Variants in STAC observed in about 807,000 individuals in gnomAD.
STAC encodes SH3 and cysteine rich domain.
A neutral mutation model predicts 48.8 loss-of-function variants in STAC; 43 were observed. That is an observed-to-expected ratio of 0.88 (90% CI 0.69 to 1.14). The LOEUF (loss-of-function observed/expected upper bound fraction) is 1.14, where lower values mean the gene tolerates loss of function less well. Ranked by LOEUF, STAC falls within the 50% of genes most tolerant of loss-of-function variation. STAC has a pLI of 0.00. For missense variants in STAC, 497 were observed against 504.0 expected, an observed-to-expected ratio of 0.99 and a Z score of 0.13; for synonymous variants, 193 against 179.5, an observed-to-expected ratio of 1.07 and a Z score of -0.60.
intron 1 of STAC, among the ~76,000 whole-genome samples, chr3:36,418,247 G>A (rs1700363882): frequency 6.6e-6 from 1 of 151,990 alleles, no homozygotes; most frequent in Admixed American, 6.6e-5. Context: ...TTGTAACAAT[G>A]AACTCTTTAA....
intron 10 of STAC, among the ~76,000 whole-genome samples, chr3:36,540,853 G>A (rs1699307667): frequency 6.6e-6 from 1 of 152,152 alleles, no homozygotes; most frequent in Non-Finnish European, 1.5e-5. Flanking sequence ...ATAATAAATG[G>A]TGTTGTTTAA....
chr3:36,469,476 A>G (rs2125690212), intron 2 of STAC, among the ~76,000 whole-genome samples: 1 of 152,196 alleles, frequency 6.6e-6, no homozygotes, highest in African/African-American at 2.4e-5. Flanking sequence ...ATAGGTTTTC[A>G]TTTATAGGTT....
intron 2 of STAC, 110 bp from the exon 3 acceptor site, chr3:36,482,882 A>G (rs573200991): frequency 1.4e-6 from 1 of 694,970 alleles, no homozygotes; most frequent in Admixed American, 2.9e-5. Flanking sequence ...AGCTTCATGA[A>G]AAAGTTGTAG....
In STAC at chr3:36,394,906, A is replaced by G. The variant is rs1203932337; in HGVS notation, c.111+14152A>G. 5.9e-5 allele frequency among the ~76,000 whole-genome samples: 9 copies of G among 151,870 alleles called. No individual in the cohort carries two copies. The East Asian group carries it at 1.7e-3, about 29-fold the overall frequency. On this transcript the variant is annotated intron_variant, in intron 1 of 10. Coordinates refer to ENST00000273183, the MANE Select transcript of STAC (RefSeq NM_003149.3). ...AAAAAAAAAAAAGGAATATATTTGC[A>G]TTATATTTTAGAAATAAAATCAACA...
intron 8 of STAC, among the ~76,000 whole-genome samples, chr3:36,506,617 G>A (rs547690464): frequency 1.8e-4 from 27 of 152,220 alleles, no homozygotes; most frequent in Admixed American, 5.9e-4. Context: ...GCATTGGTTT[G>A]TAGTTCTCCT....
At chr3:36,459,634 A>G (rs1696949684) in intron 2 of STAC, among the ~76,000 whole-genome samples, 1 of 152,222 alleles carries the variant, frequency 6.6e-6, no homozygotes, top group East Asian at 1.9e-4. Flanking sequence ...AAATGGTTTC[A>G]TGATTTGGTT....
At chr3:36,430,996 A>C (rs1207670357) in intron 1 of STAC, among the ~76,000 whole-genome samples, 2 of 152,184 alleles carry the variant, frequency 1.3e-5, no homozygotes, top group Non-Finnish European at 2.9e-5. Flanking sequence ...GAGGGATACA[A>C]TTCACCCGGT....
intron 2 of STAC, among the ~76,000 whole-genome samples, chr3:36,459,062 A>AT (rs1256389641): frequency 6.6e-6 from 1 of 152,238 alleles, no homozygotes; most frequent in East Asian, 1.9e-4. Flanking sequence ...CAAGTAACTT[A>AT]TAAGAGTTAT....
At chr3:36,449,373 A>G (rs1696618717) in intron 2 of STAC, among the ~76,000 whole-genome samples, 1 of 152,184 alleles carries the variant, frequency 6.6e-6, no homozygotes, top group African/African-American at 2.4e-5. Flanking sequence ...GCTATTGAAC[A>G]CAATTTGGCG....
intron 1 of STAC, among the ~76,000 whole-genome samples, chr3:36,419,708 A>AGG (rs202127772): frequency 0.023 from 3,532 of 152,318 alleles, 59 homozygotes; most frequent in East Asian, 0.026. Flanking sequence ...AGGTCAGGGA[A>AGG]GAAGAACTGT....
At chr3:36,479,749 T>A (rs188746462) in intron 2 of STAC, among the ~76,000 whole-genome samples, 1 of 152,372 alleles carries the variant, frequency 6.6e-6, no homozygotes, top group Admixed American at 6.5e-5. Context: ...TTTAAAACTA[T>A]GTTTTTTCCT....
At chr3:36,494,210 T>C (rs992868613) in intron 6 of STAC, among the ~76,000 whole-genome samples, 1 of 149,268 alleles carries the variant, frequency 6.7e-6, no homozygotes, top group Non-Finnish European at 1.5e-5. Flanking sequence ...CTTAAAGACA[T>C]GTGACCAGAT....
Position 36,528,766 on chromosome 3 carries a change from TTA to T in STAC, c.972+20_972+21del. The T allele has an allele frequency of 6.3e-7, 1 of 1,599,378 alleles. No homozygotes were observed. The highest frequency in any genetic ancestry group is 1.1e-5 in the South Asian group (1 of 88,090). Reference sequence around the variant, plus strand: ...GTGGAAAGTAAGTGTTCCTCTTTCTTTAAAAAAAAAAGAGAAAATCATTTGGT... The same window carrying T: ...GTGGAAAGTAAGTGTTCCTCTTTCTTAAAAAAAAAGAGAAAATCATTTGGT... On this transcript the variant is annotated intron_variant, in intron 9 of 10. Transcript: ENST00000273183.
chr3:36,488,177 CCTGT>C (rs371150870), intron 5 of STAC, among the ~76,000 whole-genome samples: 75 of 152,284 alleles, frequency 4.9e-4, no homozygotes, highest in African/African-American at 1.6e-3. Context: ...AAATGATCCT[CCTGT>C]CTGAGTGTAC....
intron 1 of STAC, among the ~76,000 whole-genome samples, chr3:36,397,152 T>C (rs1699872231): frequency 6.6e-6 from 1 of 152,206 alleles, no homozygotes; most frequent in South Asian, 2.1e-4. Context: ...GTTCAGACTT[T>C]TTGTTTATAT....
intron 8 of STAC, among the ~76,000 whole-genome samples, chr3:36,519,452 C>T (rs192044683): frequency 1.4e-4 from 22 of 152,298 alleles, no homozygotes; most frequent in Middle Eastern, 6.8e-3. Flanking sequence ...GACTCCCAGT[C>T]CACTGATCTT....
chr3:36,464,781 G>C (rs1230541010), intron 2 of STAC, among the ~76,000 whole-genome samples: 1 of 151,228 alleles, frequency 6.6e-6, no homozygotes, highest in Non-Finnish European at 1.5e-5. Flanking sequence ...ACATTATTTT[G>C]TTCCTTTTTA....
chr3:36,537,456 C>T (rs1008108299), intron 10 of STAC, among the ~76,000 whole-genome samples: 4 of 152,126 alleles, frequency 2.6e-5, no homozygotes, highest in African/African-American at 9.7e-5. Context: ...GAAAACCAAA[C>T]ACTGCATGTT....
chr3:36,398,368 A>AAAGAAAGAAAGAAAGAAAAG lies in STAC; in HGVS notation c.111+17616_111+17617insGAAAGAAAGAAAGAAAAGAA, dbSNP rs1553631494. 5.4e-4 allele frequency among the ~76,000 whole-genome samples: 56 copies of AAAGAAAGAAAGAAAGAAAAG among 102,974 alleles called. 3 individuals are homozygous for AAAGAAAGAAAGAAAGAAAAG. The highest frequency in any genetic ancestry group is 1.3e-3 in the South Asian group (4 of 3,136). The allele number at this position is 102,974 out of a possible 152,430, so 67.6% of individuals were successfully genotyped here. The stretch of plus-strand genomic sequence containing the variant: ...GAAAGAAAGAAAGAAAGAAAGAAAG[A>AAAGAAAGAAAGAAAGAAAAG]AAAGAAAGAGAGAAAGAAAGAAAGA... On this transcript the variant is annotated intron_variant, in intron 1 of 10. Transcript: ENST00000273183.
Sources: gnomAD v4.1 joint callset for allele counts (sites outside exome capture counted in the v4.1 genomes callset) on GRCh38, gnomAD v4.1.1 for gene constraint, MANE v1.5 for transcripts, NCBI Gene and HGNC (gene_info 2026-07-23, HGNC 2026-07-21) for gene names.